The following VSIR variants were observed in gnomAD, a reference collection of about 807,000 sequenced individuals.
The protein encoded by VSIR is V-set immunoregulatory receptor.
VSIR carries 10 observed loss-of-function variants against 31.0 expected under a neutral mutation model. The ratio of observed to expected loss-of-function variants is 0.32; its 90% CI spans 0.20 to 0.55. VSIR has a LOEUF of 0.55. Among genes scored for constraint, VSIR ranks in the 20% least tolerant of loss-of-function variants. The probability of loss-of-function intolerance (pLI) is 0.93; values close to 1 mark genes in which losing one functional copy is unlikely to be tolerated. For missense variants in VSIR, 356 were observed against 416.2 expected, an observed-to-expected ratio of 0.86 and a Z score of 1.26; for synonymous variants, 179 against 180.1, an observed-to-expected ratio of 0.99 and a Z score of 0.05.
chr10:71,756,031 G>A (rs1840137258), intron 3 of VSIR, among the ~76,000 whole-genome samples: 2 of 152,096 alleles, frequency 1.3e-5, no homozygotes. Context: ...CTTAGCTCTG[G>A]GATGGGGCCT....
rs1230443599 is a variant in VSIR at position 71,760,018 on chromosome 10, C to CATACAT, written c.568+849_568+850insATGTAT. Among the ~76,000 whole-genome samples, 105 of 104,188 alleles carry CATACAT rather than the reference C, an allele frequency of 1.0e-3. 6 individuals carry two copies. The highest frequency in any genetic ancestry group is 1.6e-3 in the South Asian group (5 of 3,200). 68.4% of individuals were successfully genotyped at this position (104,188 alleles called of 152,430 possible). A position where few individuals can be genotyped will look rare whatever the true frequency, so the allele number is the denominator to read the frequency against. On this transcript the variant is annotated intron_variant, in intron 3 of 6. Coordinates refer to ENST00000394957, the MANE Select transcript of VSIR (RefSeq NM_022153.2). ...ACACACATACATATATATACACACA[C>CATACAT]ACATATATACACACACACACATATA... is the stretch of plus-strand genomic sequence containing the variant.
intron 3 of VSIR, 52 bp downstream of exon 3, chr10:71,760,815 TG>T: frequency 6.4e-7 from 1 of 1,553,756 alleles, no homozygotes; most frequent in Admixed American, 1.7e-5. Flanking sequence ...GGGTGCAGGA[TG>T]AGGACAGAAG....
chr10:71,771,354 A>G (rs758681473), intron 1 of VSIR, among the ~76,000 whole-genome samples: 4 of 152,150 alleles, frequency 2.6e-5, no homozygotes, highest in Non-Finnish European at 5.9e-5. Context: ...CAACCCCAAG[A>G]GCTGGAGAAC....
intron 3 of VSIR, among the ~76,000 whole-genome samples, chr10:71,760,260 TGTATATAC>T (rs1840336482): frequency 8.8e-6 from 1 of 113,986 alleles, no homozygotes; most frequent in Non-Finnish European, 1.9e-5. Context: ...TGTATATATA[TGTATATAC>T]ATATATATGT....
chr10:71,753,116 C>T, intron 4 of VSIR, 114 bp from the exon 5 acceptor site: 1 of 1,260,258 alleles, frequency 7.9e-7, no homozygotes, highest in Non-Finnish European at 1.1e-6. Context: ...CAGGAGGGCC[C>T]TGCACAGCTC....
chr10:71,763,650 G>T (rs1840454957), intron 1 of VSIR, among the ~76,000 whole-genome samples: 1 of 152,230 alleles, frequency 6.6e-6, no homozygotes, highest in African/African-American at 2.4e-5. Context: ...CTCACTCACA[G>T]ATGTTTTTCC....
chr10:71,768,594 GCCTC>G (rs1840613178), intron 1 of VSIR, among the ~76,000 whole-genome samples: 1 of 151,962 alleles, frequency 6.6e-6, no homozygotes, highest in Non-Finnish European at 1.5e-5. Flanking sequence ...TCCCACCCCT[GCCTC>G]CCAACTAGGA....
chr10:71,764,910 A>G (rs370622746), intron 1 of VSIR, among the ~76,000 whole-genome samples: 1 of 152,192 alleles, frequency 6.6e-6, no homozygotes, highest in Admixed American at 6.5e-5. Flanking sequence ...CTGCTAACCC[A>G]CTGCCCTTAC....
intron 3 of VSIR, among the ~76,000 whole-genome samples, chr10:71,757,998 A>G (rs1422669710): frequency 1.3e-5 from 2 of 152,064 alleles, no homozygotes; most frequent in Non-Finnish European, 2.9e-5. Context: ...ATGTTATTTC[A>G]TAGTCAAGCT....
intron 1 of VSIR, among the ~76,000 whole-genome samples, chr10:71,772,743 A>AG (rs1355562161): frequency 2.2e-4 from 33 of 152,186 alleles, no homozygotes; most frequent in Admixed American, 2.1e-3. Flanking sequence ...CAGCCTTGCT[A>AG]GGATGGCAGG....
chr10:71,748,648 A>T lies in VSIR; in HGVS notation c.*2605T>A, dbSNP rs1839912863. Reference sequence around the variant, plus strand: ...CCCTCTCAGGGCCTCAGACTGTGCCACGAATCCAGCGCTCCAGGAGCCTCC... The same window carrying T: ...CCCTCTCAGGGCCTCAGACTGTGCCTCGAATCCAGCGCTCCAGGAGCCTCC... On this transcript the variant is annotated 3_prime_UTR_variant, in exon 7 of 7. Coordinates refer to ENST00000394957, the MANE Select transcript of VSIR (RefSeq NM_022153.2). 1.3e-5 allele frequency: 2 copies of T among 152,484 alleles called. No individual in the cohort carries two copies. Among genetic ancestry groups the T allele is most frequent in the Admixed American group, 1.3e-4 (2 of 15,288 alleles). The allele number at this position is 152,484 out of a possible 1,614,324, so 9.4% of individuals were successfully genotyped here. A position where few individuals can be genotyped will look rare whatever the true frequency, so the allele number is the denominator to read the frequency against.
Position 71,760,972 on chromosome 10 carries a change from G to A in VSIR, c.512-48C>T, listed in dbSNP as rs180989338. ...CATTAGGTGGGTGTCAGGCCCAGGAGGCCAGGGAGGCTTGTCCAGGCCAGT... is the reference window on the plus strand; with the variant it reads ...CATTAGGTGGGTGTCAGGCCCAGGAAGCCAGGGAGGCTTGTCCAGGCCAGT... On this transcript the variant is annotated intron_variant, in intron 2 of 6. Coordinates refer to ENST00000394957, the MANE Select transcript of VSIR (RefSeq NM_022153.2). 1.4e-4 allele frequency: 229 copies of A among 1,585,276 alleles called. 2 individuals are homozygous for A. The Admixed American group carries it at 3.7e-3, about 26-fold the overall frequency.
At chr10:71,767,313 C>T (rs899459048) in intron 1 of VSIR, among the ~76,000 whole-genome samples, 1 of 152,192 alleles carries the variant, frequency 6.6e-6, no homozygotes, top group Non-Finnish European at 1.5e-5. Context: ...AGCCCACAGT[C>T]GCCAAGGCAA....
chr10:71,751,212 C>A lies in VSIR; in HGVS notation c.*41G>T, dbSNP rs971132638. On this transcript the variant is annotated 3_prime_UTR_variant, in exon 7 of 7. Coordinates refer to ENST00000394957, the MANE Select transcript of VSIR (RefSeq NM_022153.2). The surrounding 1 kb of genome is among the most constrained non-coding windows in gnomAD (Gnocchi z 4.9). ...GCCAGCCCTGGCTCAAATGCACCTGCCCCAGACCCAGCCACAACAGCCCAC... is the reference window on the plus strand; with the variant it reads ...GCCAGCCCTGGCTCAAATGCACCTGACCCAGACCCAGCCACAACAGCCCAC... 5.8e-5 allele frequency: 92 copies of A among 1,593,796 alleles called. No homozygotes were observed. The highest frequency in any genetic ancestry group is 7.9e-5 in the Non-Finnish European group (92 of 1,168,712).
At chr10:71,760,242 T>C (rs1257748082) in intron 3 of VSIR, among the ~76,000 whole-genome samples, 2 of 37,866 alleles carry the variant, frequency 5.3e-5, no homozygotes, top group African/African-American at 1.5e-4. Flanking sequence ...TATATACATA[T>C]ATATGTATGT....
At chr10:71,761,474 C>A in intron 2 of VSIR, 124 bp downstream of exon 2, 1 of 1,180,368 alleles carries the variant, frequency 8.5e-7, no homozygotes, top group Non-Finnish European at 1.2e-6. Context: ...CCCACACACT[C>A]CCTGGAGTGC....
chr10:71,766,136 T>C (rs1475041448), intron 1 of VSIR, among the ~76,000 whole-genome samples: 3 of 152,224 alleles, frequency 2.0e-5, no homozygotes, highest in Non-Finnish European at 4.4e-5. Context: ...CCGGCTAAAA[T>C]TACAATTCTT....
chr10:71,771,926 G>C (rs1398569794), intron 1 of VSIR, among the ~76,000 whole-genome samples: 1 of 152,210 alleles, frequency 6.6e-6, no homozygotes, highest in African/African-American at 2.4e-5. Flanking sequence ...GGGCAAGAAA[G>C]CAGGAAGGGT....
At chr10:71,762,120 C>A in intron 1 of VSIR, 94 bp from the exon 2 acceptor site, 1 of 1,387,880 alleles carries the variant, frequency 7.2e-7, no homozygotes, top group Non-Finnish European at 9.5e-7. Context: ...CTGCTACTTC[C>A]CAGCCACAGG....
Sources: allele counts gnomAD v4.1 joint callset (sites outside exome capture counted in the v4.1 genomes callset), GRCh38; gene constraint gnomAD v4.1.1; non-coding constraint Gnocchi (gnomAD v3.1); transcripts MANE v1.5; gene names NCBI Gene and HGNC (gene_info 2026-07-23, HGNC 2026-07-21).